Variants in FGFR1 observed in about 807,000 individuals in gnomAD.
FGFR1 encodes FGFR1/PLAG1 fusion.
Under a neutral mutation model 93.7 loss-of-function variants are expected in FGFR1, and 18 were observed. The observed-to-expected ratio is 0.19, with a 90% CI of 0.13 to 0.28. The LOEUF is 0.28. Among genes scored for constraint, FGFR1 ranks in the 10% least tolerant of loss-of-function variants. The pLI, the probability that FGFR1 is intolerant of heterozygous loss-of-function variation, is 1.00. For synonymous variants in FGFR1, 448 were observed against 429.3 expected (o/e 1.04, Z -0.54); for missense variants, 731 against 1,080.4 (o/e 0.68, Z 4.53).
chr8:38,436,665 T>C (rs917750490), intron 2 of FGFR1, among the ~76,000 whole-genome samples: 9 of 148,946 alleles, frequency 6.0e-5, no homozygotes, highest in African/African-American at 2.2e-4. Flanking sequence ...CTCTATCCCC[T>C]AAGAAGGAAT....
At chr8:38,445,653 C>T (rs2151182032) in intron 2 of FGFR1, among the ~76,000 whole-genome samples, 1 of 152,078 alleles carries the variant, frequency 6.6e-6, no homozygotes, top group Non-Finnish European at 1.5e-5. Flanking sequence ...CTTCTCCTGT[C>T]TCAGCCTCCA....
At chr8:38,417,461 G>A in intron 11 of FGFR1, 45 bp from the exon 12 acceptor site, 8 of 1,547,624 alleles carry the variant, frequency 5.2e-6, no homozygotes, top group Non-Finnish European at 6.2e-6. Flanking sequence ...AAGGGAGGAG[G>A]GCAGGATAAA....
intron 2 of FGFR1, among the ~76,000 whole-genome samples, chr8:38,432,863 C>T (rs1188385199): frequency 2.6e-5 from 4 of 152,100 alleles, no homozygotes; most frequent in African/African-American, 7.2e-5. Flanking sequence ...CCACTCTCTC[C>T]ACCCAGCCCC....
Position 38,413,866 on chromosome 8 carries a change from G to A in FGFR1, c.2292+52C>T, listed in dbSNP as rs940500421. On this transcript the variant is annotated intron_variant, in intron 17 of 17. Transcript: ENST00000447712. This position sits in a 1 kb window ranked among gnomAD's most constrained non-coding sequence, Gnocchi z 4.2. The stretch of plus-strand genomic sequence containing the variant: ...CCCTCCTCCCTGCTCAGGGAGGTGC[G>A]TGCACGCAGTGGGGACGGCCTGAGC... The A allele has an allele frequency of 1.4e-5, 23 of 1,613,090 alleles. No homozygotes were observed. Among genetic ancestry groups the A allele is most frequent in the South Asian group, 9.9e-5 (9 of 91,026 alleles).
In FGFR1 at chr8:38,468,535, T is replaced by C. The variant is rs1368725599; in HGVS notation, c.-643A>G. 2.6e-5 allele frequency: 6 copies of C among 228,500 alleles called. No individual in the cohort carries two copies. Among genetic ancestry groups the C allele is most frequent in the Non-Finnish European group, 4.4e-5 (5 of 114,910 alleles). 14.2% of individuals were successfully genotyped at this position (228,500 alleles called of 1,614,324 possible). A position where few individuals can be genotyped will look rare whatever the true frequency, so the allele number is the denominator to read the frequency against. On this transcript the variant is annotated 5_prime_UTR_variant, in exon 1 of 18. Transcript: ENST00000447712. ...CCAGCTCCCGGCACACCCGGGTTCCTCCGCGCGCTGCGGCTGCACCGGCGT... is the reference window on the plus strand; with the variant it reads ...CCAGCTCCCGGCACACCCGGGTTCCCCCGCGCGCTGCGGCTGCACCGGCGT...
intron 2 of FGFR1, among the ~76,000 whole-genome samples, chr8:38,454,973 CTTT>C (rs11434747): frequency 9.9e-5 from 11 of 111,170 alleles, no homozygotes; most frequent in Middle Eastern, 4.9e-3. Flanking sequence ...TCTTTTCTTG[CTTT>C]TTTTTTTTTT....
Position 38,424,778 on chromosome 8 carries a change from C to T in FGFR1, c.746-79G>A, listed in dbSNP as rs985725045. The T allele has an allele frequency of 1.3e-6, 2 of 1,482,236 alleles. No homozygotes were observed. The highest frequency in any genetic ancestry group is 1.8e-6 in the Non-Finnish European group (2 of 1,084,884). The allele number at this position is 1,482,236 out of a possible 1,614,324, so 91.8% of individuals were successfully genotyped here. A position where few individuals can be genotyped will look rare whatever the true frequency, so the allele number is the denominator to read the frequency against. ...GAGGGGTGGGCTCACCTGCGCCCCA[C>T]TTGGCTTTCCCAGTGATGGGTTGTA... On this transcript the variant is annotated intron_variant, in intron 6 of 17. Transcript: ENST00000447712. This position sits in a 1 kb window ranked among gnomAD's most constrained non-coding sequence, Gnocchi z 4.3.
In FGFR1 at chr8:38,411,563, A is replaced by C. The variant is rs1814426852; in HGVS notation, c.*2065T>G. 1 of 228,330 alleles carries C rather than the reference A, an allele frequency of 4.4e-6. No individual in the cohort carries two copies. Among genetic ancestry groups the C allele is most frequent in the Non-Finnish European group, 8.7e-6 (1 of 115,050 alleles). The allele number at this position is 228,330 out of a possible 1,614,324, so 14.1% of individuals were successfully genotyped here. On this transcript the variant is annotated 3_prime_UTR_variant, in exon 18 of 18. Transcript: ENST00000447712. ...GCTGCCAAAAAATCCCTAGCTCAGA[A>C]ATTTAAAGCAGCAATCCCATTTTCC...
rs1817516783 is a variant in FGFR1, at chr8:38,418,379, AG to A, written c.1285-7del. The A allele has an allele frequency of 6.2e-7, 1 of 1,613,532 alleles. No individual in the cohort carries two copies. Among genetic ancestry groups the A allele is most frequent in the South Asian group, 1.1e-5 (1 of 91,038 alleles). The stretch of plus-strand genomic sequence containing the variant: ...GCACTGGAGTCAGCAGACACCTGCA[AG>A]GAAGAGTGGGGTCACCCTAGAGCAA... On this transcript the variant is annotated splice_polypyrimidine_tract_variant and splice_region_variant and intron_variant, in intron 9 of 17. Coordinates refer to ENST00000447712, the MANE Select transcript of FGFR1 (RefSeq NM_023110.3).
chr8:38,466,986 T>A (rs919600589), intron 1 of FGFR1, among the ~76,000 whole-genome samples: 8 of 150,280 alleles, frequency 5.3e-5, no homozygotes, highest in African/African-American at 2.0e-4. Flanking sequence ...TCCATAAAAT[T>A]CCTCCGCAAA....
chr8:38,414,032 G>A lies in FGFR1; in HGVS notation c.2187-9C>T, dbSNP rs765387862. On this transcript the variant is annotated splice_polypyrimidine_tract_variant and intron_variant, in intron 16 of 17. Coordinates refer to ENST00000447712, the MANE Select transcript of FGFR1 (RefSeq NM_023110.3). Reference sequence around the variant, plus strand: ...CCCGCATCATCATGTACCTGCGGCAGGACTGTAAGGTCAGGGACGTCTCCT... The same window carrying A: ...CCCGCATCATCATGTACCTGCGGCAAGACTGTAAGGTCAGGGACGTCTCCT... 6.2e-7 allele frequency: 1 copy of A among 1,613,912 alleles called. No homozygotes were observed. The highest frequency in any genetic ancestry group is 1.7e-5 in the Admixed American group (1 of 59,994).
At chr8:38,448,000 C>G (rs1203172379) in intron 2 of FGFR1, among the ~76,000 whole-genome samples, 1 of 152,068 alleles carries the variant, frequency 6.6e-6, no homozygotes, top group African/African-American at 2.4e-5. Context: ...CTTTGTACAC[C>G]CACACAATGG....
intron 2 of FGFR1, among the ~76,000 whole-genome samples, chr8:38,455,017 C>T (rs192645329): frequency 1.6e-3 from 237 of 148,816 alleles, no homozygotes; most frequent in African/African-American, 5.7e-3. Flanking sequence ...ACTCTGTCAC[C>T]CAGGCTGAAG....
chr8:38,418,195 C>T (rs1465656059), intron 10 of FGFR1, 33 bp downstream of exon 10: 2 of 1,614,028 alleles, frequency 1.2e-6, no homozygotes, highest in Admixed American at 1.7e-5. Flanking sequence ...GCAAGGAATG[C>T]CTTCAAAAAG....
chr8:38,418,680 CTT>C (rs1817639391), intron 9 of FGFR1: 4 of 446,702 alleles, frequency 9.0e-6, no homozygotes, highest in African/African-American at 7.9e-5. Flanking sequence ...TCTCCTGACT[CTT>C]TGCAAATACT....
rs1350770054 is a variant in FGFR1 at position 38,418,167 on chromosome 8, C to T, written c.1430+61G>A. ...CAGAAGGTGTTAGTATACACACCTT[C>T]CACCACTAGAATAGCAAGCAAGGAA... On this transcript the variant is annotated intron_variant, in intron 10 of 17. Coordinates refer to ENST00000447712, the MANE Select transcript of FGFR1 (RefSeq NM_023110.3). The T allele has an allele frequency of 1.9e-6, 3 of 1,612,794 alleles. No homozygotes were observed. In the Admixed American group the frequency reaches 5.0e-5, roughly 27 times the overall value.
intron 5 of FGFR1, 106 bp downstream of exon 5, chr8:38,427,815 T>C: frequency 2.4e-6 from 3 of 1,236,598 alleles, no homozygotes; most frequent in Non-Finnish European, 3.6e-6. Flanking sequence ...ATAACCTGTA[T>C]AGGTGGAAAG....
chr8:38,436,049 C>G (rs955464211), intron 2 of FGFR1, among the ~76,000 whole-genome samples: 3 of 152,132 alleles, frequency 2.0e-5, no homozygotes, highest in Non-Finnish European at 2.9e-5. Flanking sequence ...ACTGGCTGTT[C>G]ACTATTACAG....
At chr8:38,440,993 C>T (rs1049545401) in intron 2 of FGFR1, among the ~76,000 whole-genome samples, 4 of 152,148 alleles carry the variant, frequency 2.6e-5, no homozygotes, top group Admixed American at 2.0e-4. Context: ...CGTCCCACCT[C>T]GTCACTGTAA....
Sources: allele counts gnomAD v4.1 joint callset (sites outside exome capture counted in the v4.1 genomes callset), GRCh38; gene constraint gnomAD v4.1.1; non-coding constraint Gnocchi (gnomAD v3.1); transcripts MANE v1.5; gene names NCBI Gene and HGNC (gene_info 2026-07-23, HGNC 2026-07-21).